Variants in GALNT18 observed in about 807,000 individuals in gnomAD.
GALNT18 encodes the protein polypeptide N-acetylgalactosaminyltransferase 18.
Under a neutral mutation model 69.5 loss-of-function variants are expected in GALNT18, and 44 were observed. That is an observed-to-expected ratio of 0.63 (90% CI 0.50 to 0.81). The LOEUF (loss-of-function observed/expected upper bound fraction) is 0.81, where lower values mean the gene tolerates loss of function less well. Among genes scored for constraint, GALNT18 ranks in the 40% least tolerant of loss-of-function variants. The pLI is 0.00. For missense variants in GALNT18, 715 were observed against 810.0 expected (o/e 0.88, Z 1.42); for synonymous variants, 364 against 318.2 (o/e 1.14, Z -1.53).
intron 1 of GALNT18, among the ~76,000 whole-genome samples, chr11:11,472,788 C>T (rs1228384867): frequency 2.0e-5 from 3 of 152,094 alleles, no homozygotes; most frequent in Admixed American, 1.3e-4. Context: ...TTACCATCCT[C>T]ATTTTGTATA....
chr11:11,542,261 C>T lies in GALNT18; in HGVS notation c.235+79098G>A, dbSNP rs114199595. 1.3e-5 allele frequency among the ~76,000 whole-genome samples: 2 copies of T among 152,254 alleles called. No individual in the cohort carries two copies. The highest frequency in any genetic ancestry group is 6.5e-5 in the Admixed American group (1 of 15,306). ...GCCTGTCATCTCACTCAGAGCTCCC[C>T]TCCTTGTAGATCTAGCCTTTCCCTC... On this transcript the variant is annotated intron_variant, in intron 1 of 10. Coordinates refer to ENST00000227756, the MANE Select transcript of GALNT18 (RefSeq NM_198516.3). The surrounding 1 kb of genome is among the most constrained non-coding windows in gnomAD (Gnocchi z 4.3).
At chr11:11,360,873 A>T (rs1327705925) in intron 6 of GALNT18, among the ~76,000 whole-genome samples, 1 of 152,164 alleles carries the variant, frequency 6.6e-6, no homozygotes, top group Admixed American at 6.5e-5. Context: ...TTTGATTTGT[A>T]AATAACAATT....
At chr11:11,610,766 A>T (rs1242555679) in intron 1 of GALNT18, among the ~76,000 whole-genome samples, 1 of 152,240 alleles carries the variant, frequency 6.6e-6, no homozygotes, top group Admixed American at 6.5e-5. Flanking sequence ...TGAGATTTAG[A>T]AGTGGAAGAA....
At chr11:11,394,836 A>G (rs1293533819) in intron 3 of GALNT18, among the ~76,000 whole-genome samples, 1 of 152,144 alleles carries the variant, frequency 6.6e-6, no homozygotes, top group Non-Finnish European at 1.5e-5. Flanking sequence ...CTGGCACCGT[A>G]ATGGGTTCCT....
At chr11:11,608,114 G>A (rs556984801) in intron 1 of GALNT18, among the ~76,000 whole-genome samples, 1 of 152,262 alleles carries the variant, frequency 6.6e-6, no homozygotes, top group South Asian at 2.1e-4. Flanking sequence ...GGCTCCCCTG[G>A]AGCCTAACTT....
chr11:11,282,517 A>G (rs1355309257), intron 10 of GALNT18, among the ~76,000 whole-genome samples: 1 of 152,210 alleles, frequency 6.6e-6, no homozygotes, highest in Non-Finnish European at 1.5e-5. Flanking sequence ...TGGTCAGTAA[A>G]TGAGCAGTAA....
In GALNT18 at chr11:11,621,742, C is replaced by G; in HGVS notation, c.-149G>C. The stretch of plus-strand genomic sequence containing the variant: ...AGGTTCTCCAAAGCCCGGTCCGCTG[C>G]CGGTGTAGCCGCCGTGCCCAAGTTT... On this transcript the variant is annotated 5_prime_UTR_variant, in exon 1 of 11. Transcript: ENST00000227756. This position sits in a 1 kb window ranked among gnomAD's most constrained non-coding sequence, Gnocchi z 9.3. 1 of 617,238 alleles carries G rather than the reference C, an allele frequency of 1.6e-6. No individual in the cohort carries two copies. The highest frequency in any genetic ancestry group is 2.0e-5 in the South Asian group (1 of 50,064). 38.2% of individuals were successfully genotyped at this position (617,238 alleles called of 1,614,324 possible). A position where few individuals can be genotyped will look rare whatever the true frequency, so the allele number is the denominator to read the frequency against.
At chr11:11,446,183 G>A (rs888669216) in intron 2 of GALNT18, among the ~76,000 whole-genome samples, 3 of 152,132 alleles carry the variant, frequency 2.0e-5, no homozygotes, top group Non-Finnish European at 1.5e-5. Flanking sequence ...AACTCAAACC[G>A]GAAGAATCTA....
chr11:11,515,769 C>A (rs1048584775), intron 1 of GALNT18, among the ~76,000 whole-genome samples: 3 of 152,162 alleles, frequency 2.0e-5, no homozygotes, highest in Non-Finnish European at 2.9e-5. Context: ...GAAGAGCATT[C>A]CCAGGAGCAG....
chr11:11,290,438 A>G (rs1417458307), intron 10 of GALNT18, among the ~76,000 whole-genome samples: 1 of 152,060 alleles, frequency 6.6e-6, no homozygotes, highest in African/African-American at 2.4e-5. Flanking sequence ...TATCTCCCAC[A>G]GAATCAAATC....
chr11:11,317,382 A>T (rs1849774415), intron 9 of GALNT18, among the ~76,000 whole-genome samples: 1 of 152,216 alleles, frequency 6.6e-6, no homozygotes, highest in Non-Finnish European at 1.5e-5. Flanking sequence ...GGGTCCCGTT[A>T]TAAGTTGCTC....
chr11:11,345,037 C>T (rs1167523311), intron 6 of GALNT18, among the ~76,000 whole-genome samples: 1 of 152,154 alleles, frequency 6.6e-6, no homozygotes, highest in Non-Finnish European at 1.5e-5. Context: ...CGGTCCTGTA[C>T]ACCCACCTTT....
At chr11:11,398,864 A>T (rs575587063) in intron 3 of GALNT18, among the ~76,000 whole-genome samples, 2 of 152,386 alleles carry the variant, frequency 1.3e-5, no homozygotes, top group African/African-American at 4.8e-5. Context: ...AACAGCATGT[A>T]CAAGTATCCT....
In GALNT18 at chr11:11,309,511, T is replaced by C. The variant is rs1849635457; in HGVS notation, c.1513-16318A>G. 6.6e-6 allele frequency among the ~76,000 whole-genome samples: 1 copy of C among 152,172 alleles called. No individual in the cohort carries two copies. The highest frequency in any genetic ancestry group is 1.5e-5 in the Non-Finnish European group (1 of 68,038). On this transcript the variant is annotated intron_variant, in intron 9 of 10. Transcript: ENST00000227756. This position sits in a 1 kb window ranked among gnomAD's most constrained non-coding sequence, Gnocchi z 4.6. The stretch of plus-strand genomic sequence containing the variant: ...TGGCACTCTTGCTAGCAGCTTCAAT[T>C]TTTAAATTCCTTACTTTTTCTGCCT...
chr11:11,335,185 G>A (rs1244706156), intron 7 of GALNT18, among the ~76,000 whole-genome samples: 4 of 152,134 alleles, frequency 2.6e-5, no homozygotes, highest in African/African-American at 4.8e-5. Context: ...TTAGGAACAG[G>A]GCAAAGTTTG....
In GALNT18 at chr11:11,564,555, G is replaced by T. The variant is rs1858596793; in HGVS notation, c.235+56804C>A. On this transcript the variant is annotated intron_variant, in intron 1 of 10. Transcript: ENST00000227756. This position sits in a 1 kb window ranked among gnomAD's most constrained non-coding sequence, Gnocchi z 4.3. ...GCTGAAAGAGTCATTTGCCTCAAAG[G>T]CAAACCTGAAAACTGTCAGAGCTCA... 6.6e-6 allele frequency among the ~76,000 whole-genome samples: 1 copy of T among 152,168 alleles called. No individual in the cohort carries two copies. Among genetic ancestry groups the T allele is most frequent in the Non-Finnish European group, 1.5e-5 (1 of 68,034 alleles).
At chr11:11,423,732 T>G (rs1163886818) in intron 3 of GALNT18, among the ~76,000 whole-genome samples, 1 of 152,240 alleles carries the variant, frequency 6.6e-6, no homozygotes, top group East Asian at 1.9e-4. Context: ...GCAAGCAGCC[T>G]GTTTAATGGT....
intron 3 of GALNT18, among the ~76,000 whole-genome samples, chr11:11,425,612 A>G (rs1353747524): frequency 1.3e-5 from 2 of 151,436 alleles, no homozygotes; most frequent in Non-Finnish European, 3.0e-5. Flanking sequence ...TACAGCAAAG[A>G]AAACTTTTTT....
intron 1 of GALNT18, among the ~76,000 whole-genome samples, chr11:11,512,800 A>G (rs1857190373): frequency 2.6e-5 from 4 of 152,160 alleles, no homozygotes; most frequent in Admixed American, 2.6e-4. Context: ...TAACCCATCT[A>G]TCACATGGAC....
Sources: allele counts gnomAD v4.1 joint callset (sites outside exome capture counted in the v4.1 genomes callset), GRCh38; gene constraint gnomAD v4.1.1; non-coding constraint Gnocchi (gnomAD v3.1); transcripts MANE v1.5; gene names NCBI Gene and HGNC (gene_info 2026-07-23, HGNC 2026-07-21).